Variants in DIP2A observed in about 807,000 individuals in gnomAD.
The protein encoded by DIP2A is disco-interacting protein 2 homolog A.
Under a neutral mutation model 177.4 loss-of-function variants are expected in DIP2A, and 85 were observed. The ratio of observed to expected loss-of-function variants is 0.48; its 90% CI spans 0.40 to 0.57. The LOEUF is 0.57. Among genes scored for constraint, DIP2A ranks in the 20% least tolerant of loss-of-function variants. The probability of loss-of-function intolerance (pLI) is 0.00; values close to 1 mark genes in which losing one functional copy is unlikely to be tolerated. For missense variants in DIP2A, 1,791 were observed against 2,100.2 expected (o/e 0.85, Z 2.88); for synonymous variants, 886 against 881.8 (o/e 1.00, Z -0.08).
intron 1 of DIP2A, among the ~76,000 whole-genome samples, chr21:46,468,018 G>C (rs940770344): frequency 1.3e-5 from 2 of 151,844 alleles, no homozygotes; most frequent in African/African-American, 4.8e-5. Context: ...AATCCCAGCA[G>C]TTTGGGAGGC....
chr21:46,538,490 C>T lies in DIP2A; in HGVS notation c.1809C>T (p.Ala603=), dbSNP rs753404567. Residue 603 remains alanine, a synonymous_variant, in exon 16 of 38, where the codon GCC becomes GCT. Coordinates refer to ENST00000417564, the MANE Select transcript of DIP2A (RefSeq NM_015151.4). ...IQKVCFYKAR[A]ALVKSRDMHW... is the part of the protein sequence containing the mutation. The stretch of plus-strand genomic sequence containing the variant: ...GCCATCCTCTCTCTGCAGCTCGGGC[C>T]GCGCTGGTGAAGTCGCGAGACATGC... 3.1e-5 allele frequency: 48 copies of T among 1,545,414 alleles called. No individual in the cohort carries two copies. Among genetic ancestry groups the T allele is most frequent in the Admixed American group, 1.6e-4 (8 of 51,128 alleles).
At chr21:46,540,083 G>C in intron 17 of DIP2A, 92 bp downstream of exon 17, 2 of 1,057,696 alleles carry the variant, frequency 1.9e-6, no homozygotes, top group Middle Eastern at 4.3e-4. Flanking sequence ...TGCCTGTTAG[G>C]ATCCAGGCCC....
Position 46,559,012 on chromosome 21 carries a change from G to A in DIP2A, c.3969+619G>A, listed in dbSNP as rs565212098. On this transcript the variant is annotated intron_variant, in intron 32 of 37. Transcript: ENST00000417564. ...CTTGGGAGGTTGAGGCACAAGAATC[G>A]CTTGAACCTGGCAAGAGGAGGTTGC... 5.7e-4 allele frequency: 84 copies of A among 147,340 alleles called. No individual in the cohort carries two copies. The South Asian group carries it at 9.9e-3, about 17-fold the overall frequency. The allele number at this position is 147,340 out of a possible 1,614,324, so 9.1% of individuals were successfully genotyped here.
At position 46,566,660 on chromosome 21, in the gene DIP2A, A is replaced by G; in HGVS notation, c.4440A>G (p.Arg1480=). ...TCGACATTGAGACCTCTGTCATCCGAGCACACAGGAGCATCGCTGAGTGGT... is the reference window on the plus strand; with the variant it reads ...TCGACATTGAGACCTCTGTCATCCGGGCACACAGGAGCATCGCTGAGTGGT... ...HPIDIETSVI[R]AHRSIAECAV... is the part of the protein sequence containing the mutation. Residue 1480 remains arginine, a synonymous_variant, in exon 37 of 38, where the codon CGA becomes CGG. Coordinates refer to ENST00000417564, the MANE Select transcript of DIP2A (RefSeq NM_015151.4). 6.2e-7 allele frequency: 1 copy of G among 1,614,192 alleles called. No individual in the cohort carries two copies. Among genetic ancestry groups the G allele is most frequent in the Non-Finnish European group, 8.5e-7 (1 of 1,180,020 alleles).
intron 7 of DIP2A, 95 bp downstream of exon 7, chr21:46,509,471 T>C (rs2058199806): frequency 7.0e-7 from 1 of 1,420,342 alleles, no homozygotes; most frequent in Admixed American, 2.5e-5. Flanking sequence ...ACATGGATAT[T>C]GCTATATATA....
intron 1 of DIP2A, among the ~76,000 whole-genome samples, chr21:46,470,475 A>AG (rs2055257961): frequency 1.6e-5 from 1 of 60,982 alleles, no homozygotes; most frequent in Admixed American, 1.3e-4. Flanking sequence ...GCTCCGTCTC[A>AG]AAAAAAAAAA....
chr21:46,490,693 C>T lies in DIP2A; in HGVS notation c.257C>T (p.Ala86Val), dbSNP rs1211100392. Reference sequence around the variant, plus strand: ...AAGCAGCAGAAGTCTCGGCCCACCGCCTCGAGGGATGAGCGCTTCCGGTCA... The same window carrying T: ...AAGCAGCAGAAGTCTCGGCCCACCGTCTCGAGGGATGAGCGCTTCCGGTCA... ...APKQQKSRPT[A>V]SRDERFRSDV... is the part of the protein sequence containing the mutation. The change falls in exon 3 of 38, where the codon GCC becomes GTC. Residue 86 changes from alanine to valine, a missense_variant. By Grantham distance (64) the Ala-to-Val change is moderately conservative. Transcript: ENST00000417564. The T allele has an allele frequency of 1.9e-6, 3 of 1,585,838 alleles. No individual in the cohort carries two copies. The highest frequency in any genetic ancestry group is 2.6e-6 in the Non-Finnish European group (3 of 1,166,260).
chr21:46,554,786 G>GGGGGGGGGCCCCCCC, intron 27 of DIP2A, 36 bp from the exon 28 acceptor site: 1 of 1,519,110 alleles, frequency 6.6e-7, no homozygotes, highest in Non-Finnish European at 8.8e-7. Context: ...AGCTTGAGAG[G>GGGGGGGGGCCCCCCC]CCCCGCCCAC....
chr21:46,485,854 T>TG (rs927972718), intron 2 of DIP2A, among the ~76,000 whole-genome samples: 10 of 151,778 alleles, frequency 6.6e-5, no homozygotes, highest in African/African-American at 2.4e-4. Flanking sequence ...GGGGGGATCA[T>TG]GAGGTCAGGA....
chr21:46,500,951 A>G (rs2057615849), intron 5 of DIP2A, among the ~76,000 whole-genome samples: 1 of 152,224 alleles, frequency 6.6e-6, no homozygotes, highest in South Asian at 2.1e-4. Flanking sequence ...TTTGTGATCA[A>G]TTCTAATACA....
intron 1 of DIP2A, among the ~76,000 whole-genome samples, chr21:46,475,608 T>C (rs2055772713): frequency 6.6e-6 from 1 of 152,248 alleles, no homozygotes; most frequent in African/African-American, 2.4e-5. Context: ...TTGTTTGATT[T>C]TTCTCTAATT....
chr21:46,523,220 C>A (rs2058906371), intron 8 of DIP2A, among the ~76,000 whole-genome samples: 1 of 149,320 alleles, frequency 6.7e-6, no homozygotes. Flanking sequence ...CCACCAATGC[C>A]TAGCTTCTTA....
At chr21:46,505,697 T>A (rs1016982304) in intron 6 of DIP2A, among the ~76,000 whole-genome samples, 1 of 152,216 alleles carries the variant, frequency 6.6e-6, no homozygotes, top group African/African-American at 2.4e-5. Context: ...AGTGTCCTTG[T>A]GTTCCTTGGT....
chr21:46,570,339 CTT>C (rs549882930), downstream of DIP2A, among the ~76,000 whole-genome samples: 17 of 152,316 alleles, frequency 1.1e-4, no homozygotes, highest in South Asian at 4.1e-4. Context: ...TAAAATAACT[CTT>C]TAACAATTTG....
chr21:46,520,402 G>T (rs919065212), intron 8 of DIP2A, among the ~76,000 whole-genome samples: 2 of 152,184 alleles, frequency 1.3e-5, no homozygotes, highest in Non-Finnish European at 2.9e-5. Flanking sequence ...TCTTCTATTA[G>T]TTCTGTTAGT....
rs183473170 is a variant in DIP2A, at chr21:46,541,523, T to G, written c.2037-233T>G. Among the ~76,000 whole-genome samples the G allele has an allele frequency of 1.6e-4, 24 of 152,270 alleles. No individual in the cohort carries two copies. In the East Asian group the frequency reaches 4.4e-3, roughly 28 times the overall value. On this transcript the variant is annotated intron_variant, in intron 17 of 37. Coordinates refer to ENST00000417564, the MANE Select transcript of DIP2A (RefSeq NM_015151.4). ...GGCCTGCATTGGAAGTCACACAGCA[T>G]CACAACCACTGTAGTCACAGGCCCT...
the DIP2A span, among the ~76,000 whole-genome samples, chr21:46,583,480 T>G: frequency 6.6e-5 from 10 of 152,102 alleles, no homozygotes; most frequent in Admixed American, 6.6e-4. Flanking sequence ...CTCTCTAAAT[T>G]TAAAAGGATA....
intron 8 of DIP2A, among the ~76,000 whole-genome samples, chr21:46,517,257 T>C (rs2058628307): frequency 6.6e-6 from 1 of 151,910 alleles, no homozygotes; most frequent in African/African-American, 2.4e-5. Context: ...TTTTCTTTTT[T>C]TTATAGAGAT....
chr21:46,476,079 CA>C (rs34733342), intron 1 of DIP2A, among the ~76,000 whole-genome samples: 118,356 of 134,664 alleles, frequency 0.88, 51,791 homozygotes, highest in East Asian at 0.97. Context: ...ACTAAAAATA[CA>C]AAAAAAAAAA....
Sources: gnomAD v4.1 joint callset for allele counts (sites outside exome capture counted in the v4.1 genomes callset) on GRCh38, gnomAD v4.1.1 for gene constraint, MANE v1.5 for transcripts, NCBI Gene and HGNC (gene_info 2026-07-23, HGNC 2026-07-21) for gene names.